SEZ6L: variants seen among roughly 807,000 people sequenced by gnomAD.
The protein encoded by SEZ6L is seizure related 6 homolog like.
A neutral mutation model predicts 106.2 loss-of-function variants in SEZ6L; 37 were observed. That is an observed-to-expected ratio of 0.35 (90% CI 0.27 to 0.46). The LOEUF is 0.46. SEZ6L is among the 20% of genes least tolerant of loss of function. SEZ6L has a pLI of 1.00. For missense variants in SEZ6L, 1,172 were observed against 1,332.8 expected (o/e 0.88, Z 1.88); for synonymous variants, 541 against 570.4 (o/e 0.95, Z 0.73).
intron 1 of SEZ6L, among the ~76,000 whole-genome samples, chr22:26,244,061 G>A (rs2079236457): frequency 1.3e-5 from 2 of 152,022 alleles, no homozygotes; most frequent in African/African-American, 4.8e-5. Flanking sequence ...TACTTAGGGG[G>A]CTGAAGCAGC....
At chr22:26,201,484 C>A (rs1940955151) in intron 1 of SEZ6L, among the ~76,000 whole-genome samples, 1 of 151,632 alleles carries the variant, frequency 6.6e-6, no homozygotes, top group Non-Finnish European at 1.5e-5. Context: ...CGGCTTGAAC[C>A]TGGGAGGCAG....
rs762667822 is a variant in SEZ6L at position 26,377,670 on chromosome 22, C to A, written c.2943-3C>A. On this transcript the variant is annotated splice_region_variant and splice_polypyrimidine_tract_variant and intron_variant, in intron 15 of 16. Transcript: ENST00000248933. ...TAACTTCTCTCTCCTTTCTTTCCCC[C>A]AGATGTCGCTACTATTCCAACCTCC... The A allele has an allele frequency of 6.2e-7, 1 of 1,609,390 alleles. No individual in the cohort carries two copies. Among genetic ancestry groups the A allele is most frequent in the Non-Finnish European group, 8.5e-7 (1 of 1,175,870 alleles).
At chr22:26,235,810 G>T (rs79874556) in intron 1 of SEZ6L, among the ~76,000 whole-genome samples, 1 of 152,330 alleles carries the variant, frequency 6.6e-6, no homozygotes, top group Non-Finnish European at 1.5e-5. Context: ...CAGTCATTGA[G>T]AAGAGTCTGC....
At chr22:26,231,518 T>C (rs1488936437) in intron 1 of SEZ6L, among the ~76,000 whole-genome samples, 1 of 152,220 alleles carries the variant, frequency 6.6e-6, no homozygotes, top group Non-Finnish European at 1.5e-5. Flanking sequence ...TGCCTCTATC[T>C]GTACTGCAAG....
At chr22:26,248,099 A>T (rs1040819741) in intron 1 of SEZ6L, among the ~76,000 whole-genome samples, 3 of 152,196 alleles carry the variant, frequency 2.0e-5, no homozygotes, top group African/African-American at 4.8e-5. Context: ...AGGGACAAGG[A>T]AAAGCTGCAA....
At chr22:26,296,838 T>A (rs1341305597) in intron 3 of SEZ6L, 50 bp from the exon 4 acceptor site, 1 of 1,467,164 alleles carries the variant, frequency 6.8e-7, no homozygotes, top group East Asian at 2.5e-5. Context: ...GAAGGCTCTG[T>A]CTCAAACACA....
chr22:26,230,692 G>A (rs1465557201), intron 1 of SEZ6L, among the ~76,000 whole-genome samples: 2 of 152,336 alleles, frequency 1.3e-5, no homozygotes, highest in African/African-American at 2.4e-5. Context: ...GTGAGGAGGG[G>A]ATATTTAAGC....
intron 1 of SEZ6L, among the ~76,000 whole-genome samples, chr22:26,227,170 G>A (rs966205285): frequency 6.6e-6 from 1 of 152,194 alleles, no homozygotes; most frequent in African/African-American, 2.4e-5. Context: ...TGAATGAGTG[G>A]CTGGAGAGAG....
At chr22:26,340,054 G>A (rs2082777082) in intron 9 of SEZ6L, among the ~76,000 whole-genome samples, 2 of 152,080 alleles carry the variant, frequency 1.3e-5, no homozygotes, top group South Asian at 4.2e-4. Flanking sequence ...GGGCAACACG[G>A]TGAAACCCCA....
chr22:26,220,348 C>T (rs187747612), intron 1 of SEZ6L, among the ~76,000 whole-genome samples: 1 of 152,318 alleles, frequency 6.6e-6, no homozygotes, highest in East Asian at 1.9e-4. Context: ...TGTAAGTCAG[C>T]ATCAGTAATA....
intron 1 of SEZ6L, among the ~76,000 whole-genome samples, chr22:26,224,921 G>A (rs2078591964): frequency 6.6e-6 from 1 of 152,114 alleles, no homozygotes; most frequent in Admixed American, 6.5e-5. Flanking sequence ...GTTCAGCTGG[G>A]CTATAATTAG....
chr22:26,247,780 G>A (rs888491714), intron 1 of SEZ6L, among the ~76,000 whole-genome samples: 11 of 152,240 alleles, frequency 7.2e-5, no homozygotes, highest in Non-Finnish European at 1.3e-4. Context: ...CTAGGCTTTG[G>A]GATTTTATAA....
chr22:26,170,634 G>A (rs1052879144), intron 1 of SEZ6L, among the ~76,000 whole-genome samples: 9 of 152,090 alleles, frequency 5.9e-5, no homozygotes, highest in Non-Finnish European at 1.0e-4. Context: ...TATGGGTGGG[G>A]GAGAGGGCCA....
chr22:26,329,453 G>C (rs1052074115), intron 9 of SEZ6L, among the ~76,000 whole-genome samples: 1 of 152,010 alleles, frequency 6.6e-6, no homozygotes, highest in African/African-American at 2.4e-5. Flanking sequence ...GGATGACAGA[G>C]TGAAACACCA....
chr22:26,171,158 T>C (rs1325505185), intron 1 of SEZ6L, among the ~76,000 whole-genome samples: 1 of 152,204 alleles, frequency 6.6e-6, no homozygotes, highest in Non-Finnish European at 1.5e-5. Flanking sequence ...TTCATCACCT[T>C]TTGTTTAACA....
intron 1 of SEZ6L, among the ~76,000 whole-genome samples, chr22:26,289,254 C>A (rs1039000025): frequency 2.0e-5 from 3 of 152,296 alleles, no homozygotes; most frequent in East Asian, 1.9e-4. Flanking sequence ...ACCCCTCCCC[C>A]CTGCTCTTTT....
chr22:26,320,597 AG>A (rs1185633035), intron 9 of SEZ6L, among the ~76,000 whole-genome samples: 1 of 152,230 alleles, frequency 6.6e-6, no homozygotes, highest in Non-Finnish European at 1.5e-5. Flanking sequence ...GGGCCCTGGC[AG>A]TGAGCAAGAC....
At chr22:26,249,815 C>G (rs2079507291) in intron 1 of SEZ6L, among the ~76,000 whole-genome samples, 2 of 152,076 alleles carry the variant, frequency 1.3e-5, no homozygotes. Flanking sequence ...AGAGTTCTTT[C>G]TATGCATCCT....
intron 1 of SEZ6L, among the ~76,000 whole-genome samples, chr22:26,183,641 A>G (rs907601772): frequency 2.6e-5 from 4 of 152,238 alleles, no homozygotes; most frequent in East Asian, 1.9e-4. Flanking sequence ...GAGAACTCCA[A>G]CGGGGCCTGC....
Sources: gnomAD v4.1 joint callset for allele counts (sites outside exome capture counted in the v4.1 genomes callset) on GRCh38, gnomAD v4.1.1 for gene constraint, MANE v1.5 for transcripts, NCBI Gene and HGNC (gene_info 2026-07-23, HGNC 2026-07-21) for gene names.